Variants in BRI3 observed in about 807,000 individuals in gnomAD.
The protein encoded by BRI3 is brain protein I3.
BRI3 carries 6 observed loss-of-function variants against 12.8 expected under a neutral mutation model. The observed-to-expected ratio is 0.47, with a 90% CI of 0.26 to 0.93. BRI3 has a LOEUF of 0.93. BRI3 is among the 40% of genes least tolerant of loss of function. The pLI is 0.15. For synonymous variants in BRI3, 91 were observed against 76.1 expected, an observed-to-expected ratio of 1.20 and a Z score of -1.02; for missense variants, 134 against 171.1, an observed-to-expected ratio of 0.78 and a Z score of 1.21.
the BRI3 span, among the ~76,000 whole-genome samples, chr7:98,316,412 C>T: frequency 6.6e-6 from 1 of 152,124 alleles, no homozygotes; most frequent in African/African-American, 2.4e-5. Flanking sequence ...AGAGTCCCTT[C>T]TTCTTTCAGA....
In BRI3 at chr7:98,282,476, G is replaced by T. The variant is rs1284268897; in HGVS notation, c.245+23G>T. ...CAGGTGAGTGGGTCTGCAGCCTGGG[G>T]ACTGGCCCTGGAAGCTCTGAGGACC... On this transcript the variant is annotated intron_variant, in intron 2 of 2. Transcript: ENST00000297290. The T allele has an allele frequency of 2.5e-6, 4 of 1,599,132 alleles. No homozygotes were observed. The Admixed American group carries it at 6.7e-5, about 27-fold the overall frequency.
upstream of BRI3, chr7:98,304,220 C>T (rs1355461148): frequency 6.8e-6 from 11 of 1,608,206 alleles, no homozygotes; most frequent in East Asian, 6.7e-5. Context: ...CGGGCTTGGA[C>T]GCTGGGGCCT....
At chr7:98,283,648 T>C (rs1307880837) in intron 2 of BRI3, among the ~76,000 whole-genome samples, 1 of 152,106 alleles carries the variant, frequency 6.6e-6, no homozygotes, top group Non-Finnish European at 1.5e-5. Context: ...TGGAGGGGAC[T>C]CAGAACATGG....
chr7:98,315,585 T>G, the BRI3 span: 1 of 1,472,030 alleles, frequency 6.8e-7, no homozygotes, highest in Non-Finnish European at 9.1e-7. Context: ...TGGATTTCAC[T>G]CTGACGAGAA....
the BRI3 span, chr7:98,315,723 A>G: frequency 2.2e-6 from 1 of 448,462 alleles, no homozygotes; most frequent in South Asian, 1.0e-4. Flanking sequence ...CTTTATTTGA[A>G]TAATAGAGTA....
At chr7:98,319,055 G>A in the BRI3 span, among the ~76,000 whole-genome samples, 426 of 152,172 alleles carry the variant, frequency 2.8e-3, 3 homozygotes, top group African/African-American at 9.7e-3. Flanking sequence ...GCAGCTGTCC[G>A]GGTCCTGTGG....
At chr7:98,315,348 A>G, downstream of BRI3, 1 of 1,061,808 alleles carries the variant, frequency 9.4e-7, no homozygotes, top group Middle Eastern at 3.5e-4. Context: ...GGCCCACCTC[A>G]GCCTCCCAAA....
Position 98,309,991 on chromosome 7 carries a change from AG to A in BRI3, n.2623del. The A allele has an allele frequency of 1.9e-5, 3 of 157,580 alleles. No individual in the cohort carries two copies. The South Asian group carries it at 5.4e-4, about 28-fold the overall frequency. 9.8% of individuals were successfully genotyped at this position (157,580 alleles called of 1,614,324 possible). A position where few individuals can be genotyped will look rare whatever the true frequency, so the allele number is the denominator to read the frequency against. On this transcript the variant is annotated non_coding_transcript_exon_variant, in exon 2 of 2. Coordinates refer to the BRI3 transcript ENST00000485422. ...CAGCCTCCCGAGTAGCTGGGATTAC[AG>A]GCAGGCACCACCACGCCTGGCTAAT...
At chr7:98,321,637 C>T in the BRI3 span, among the ~76,000 whole-genome samples, 2 of 152,338 alleles carry the variant, frequency 1.3e-5, 1 homozygote, top group African/African-American at 4.8e-5. Context: ...GGGCCTCTCT[C>T]TGCCAACTTA....
At chr7:98,285,094 G>T (rs1799666784) in intron 2 of BRI3, among the ~76,000 whole-genome samples, 1 of 152,232 alleles carries the variant, frequency 6.6e-6, no homozygotes, top group African/African-American at 2.4e-5. Context: ...TACTGGCTGG[G>T]CTGTCACTGG....
upstream of BRI3, among the ~76,000 whole-genome samples, chr7:98,303,441 G>A (rs1048410230): frequency 2.0e-5 from 3 of 152,192 alleles, no homozygotes; most frequent in Admixed American, 6.5e-5. Flanking sequence ...GCCCGGGAGT[G>A]ATGTCCAGCC....
rs759868427 is a variant in BRI3, at chr7:98,291,283, T to C, written c.*40T>C. The C allele has an allele frequency of 6.8e-6, 11 of 1,610,424 alleles. No individual in the cohort carries two copies. In the South Asian group the frequency reaches 7.7e-5, roughly 11 times the overall value. The stretch of plus-strand genomic sequence containing the variant: ...CCGGCTTTCCTACACCCAGCTCTCT[T>C]TTTCTAATGTAAATGTTGTGTACAA... On this transcript the variant is annotated 3_prime_UTR_variant, in exon 3 of 3. Transcript: ENST00000297290.
At chr7:98,283,667 A>AG (rs1410864879) in intron 2 of BRI3, among the ~76,000 whole-genome samples, 1 of 152,228 alleles carries the variant, frequency 6.6e-6, no homozygotes, top group East Asian at 1.9e-4. Context: ...GGAGGAGCAG[A>AG]GGGTCTGCCT....
chr7:98,315,607 C>A, the BRI3 span: 1 of 1,333,910 alleles, frequency 7.5e-7, no homozygotes, highest in Admixed American at 2.9e-5. Context: ...TAACGGTCTC[C>A]ACATACTAAA....
At chr7:98,310,505 C>A (rs1390139204), downstream of BRI3, 1 of 1,606,400 alleles carries the variant, frequency 6.2e-7, no homozygotes, top group African/African-American at 1.3e-5. Context: ...TTAAACATAT[C>A]GATCAAGGGA....
At chr7:98,313,793 T>G, downstream of BRI3, among the ~76,000 whole-genome samples, 1 of 120,990 alleles carries the variant, frequency 8.3e-6, no homozygotes, top group South Asian at 2.6e-4. Flanking sequence ...TAATTAAAAC[T>G]TTTTTTTTTT....
At chr7:98,299,121 T>TTC (rs1408425541) in intron 1 of BRI3, among the ~76,000 whole-genome samples, 5 of 152,180 alleles carry the variant, frequency 3.3e-5, no homozygotes, top group African/African-American at 1.2e-4. Flanking sequence ...GTTCAACTGA[T>TTC]TCTCCTGCCT....
Position 98,291,484 on chromosome 7 carries a change from G to A in BRI3, c.*241G>A. On this transcript the variant is annotated 3_prime_UTR_variant, in exon 3 of 3. Transcript: ENST00000297290. ...TTTTTGCAGTCTTCAATTTGAGAAA[G>A]GTGAGAAATAATGTTTTCAATAAAT... 7.5e-7 allele frequency: 1 copy of A among 1,335,842 alleles called. No homozygotes were observed. The highest frequency in any genetic ancestry group is 1.7e-5 in the South Asian group (1 of 58,662). 82.7% of individuals were successfully genotyped at this position (1,335,842 alleles called of 1,614,324 possible).
At chr7:98,320,778 C>T in the BRI3 span, among the ~76,000 whole-genome samples, 4 of 152,220 alleles carry the variant, frequency 2.6e-5, no homozygotes, top group Non-Finnish European at 5.9e-5. Flanking sequence ...CAGGGGGACA[C>T]AGCTGAGAGC....
Sources: gnomAD v4.1 joint callset for allele counts (sites outside exome capture counted in the v4.1 genomes callset) on GRCh38, gnomAD v4.1.1 for gene constraint, MANE v1.5 for transcripts, NCBI Gene and HGNC (gene_info 2026-07-23, HGNC 2026-07-21) for gene names.